The following CMIP variants were observed in gnomAD, a reference collection of about 807,000 sequenced individuals.
The protein encoded by CMIP is c-Maf inducing protein.
CMIP carries 13 observed loss-of-function variants against 97.3 expected under a neutral mutation model. The observed-to-expected ratio is 0.13, with a 90% confidence interval of 0.09 to 0.21. The LOEUF is 0.21. Ranked by LOEUF, CMIP falls within the 10% of genes least tolerant of loss-of-function variation. CMIP has a pLI of 1.00. For missense variants in CMIP, 847 were observed against 1,024.9 expected (o/e 0.83, Z 2.37); for synonymous variants, 538 against 436.3 (o/e 1.23, Z -2.91).
intron 1 of CMIP, among the ~76,000 whole-genome samples, chr16:81,472,737 T>A (rs1907634288): frequency 6.6e-6 from 1 of 152,156 alleles, no homozygotes; most frequent in Non-Finnish European, 1.5e-5. Flanking sequence ...CAGGAGCTGA[T>A]CCTGTGCAGA....
At chr16:81,601,885 C>T (rs2091664206) in intron 1 of CMIP, among the ~76,000 whole-genome samples, 1 of 152,196 alleles carries the variant, frequency 6.6e-6, no homozygotes, top group African/African-American at 2.4e-5. Context: ...CCCTGTCAAG[C>T]TGGTGGCCCA....
intron 9 of CMIP, among the ~76,000 whole-genome samples, chr16:81,675,496 G>A (rs757524471): frequency 5.3e-5 from 8 of 152,022 alleles, no homozygotes; most frequent in South Asian, 2.1e-4. Flanking sequence ...TGGGATTACA[G>A]GGGTGAGCCA....
intron 1 of CMIP, among the ~76,000 whole-genome samples, chr16:81,496,266 T>C (rs2089489129): frequency 6.6e-6 from 1 of 152,216 alleles, no homozygotes; most frequent in South Asian, 2.1e-4. Context: ...TTAAAATAAA[T>C]ATTAAATCAA....
intron 1 of CMIP, among the ~76,000 whole-genome samples, chr16:81,532,517 C>T (rs945490854): frequency 5.7e-4 from 87 of 151,642 alleles, no homozygotes; most frequent in African/African-American, 2.0e-3. Context: ...CCTGAGCCTC[C>T]CCAGGGACTA....
intron 3 of CMIP, among the ~76,000 whole-genome samples, chr16:81,633,877 G>T (rs1483178769): frequency 6.6e-6 from 1 of 152,220 alleles, no homozygotes. Flanking sequence ...CCGGCTGGAG[G>T]CAGGAACAGA....
At chr16:81,705,311 C>T (rs138072818) in intron 18 of CMIP, among the ~76,000 whole-genome samples, 188 bp from the exon 19 acceptor site, 1 of 152,248 alleles carries the variant, frequency 6.6e-6, no homozygotes, top group South Asian at 2.1e-4. Context: ...AAGCTGGATT[C>T]TAACCCGGTT....
chr16:81,694,562 C>G (rs62043844), intron 13 of CMIP, among the ~76,000 whole-genome samples: 2,305 of 152,304 alleles, frequency 0.015, 33 homozygotes, highest in Non-Finnish European at 0.024. Flanking sequence ...ACTCAGAACC[C>G]ACAGTTTATC....
At chr16:81,586,685 A>G (rs2091388584) in intron 1 of CMIP, among the ~76,000 whole-genome samples, 1 of 152,130 alleles carries the variant, frequency 6.6e-6, no homozygotes, top group South Asian at 2.1e-4. Flanking sequence ...CAAACATCGC[A>G]TACTCTCTGA....
At chr16:81,495,307 G>T in intron 1 of CMIP, 1 of 1,442,510 alleles carries the variant, frequency 6.9e-7, no homozygotes, top group Non-Finnish European at 9.1e-7. Context: ...CGGGGCCCTG[G>T]GCAGGCTGGT....
At chr16:81,598,968 CAAAAA>C (rs141717317) in intron 1 of CMIP, among the ~76,000 whole-genome samples, 3 of 49,874 alleles carry the variant, frequency 6.0e-5, no homozygotes, top group East Asian at 6.1e-4. Context: ...GACTCTGTCT[CAAAAA>C]AAAAAAAAAA....
At chr16:81,516,532 G>A (rs191967935) in intron 1 of CMIP, among the ~76,000 whole-genome samples, 10 of 152,138 alleles carry the variant, frequency 6.6e-5, no homozygotes, top group Non-Finnish European at 8.8e-5. Context: ...CTTGCTCTTG[G>A]CCAGCCAGCT....
chr16:81,446,667 A>G (rs1184282562), intron 1 of CMIP, among the ~76,000 whole-genome samples: 3 of 152,170 alleles, frequency 2.0e-5, no homozygotes, highest in Admixed American at 6.5e-5. Flanking sequence ...ACCTGTGCCA[A>G]GAAAACCCAG....
intron 1 of CMIP, among the ~76,000 whole-genome samples, chr16:81,448,203 A>T (rs1038504834): frequency 6.6e-6 from 1 of 152,198 alleles, no homozygotes; most frequent in Admixed American, 6.5e-5. Flanking sequence ...ATTTTAAGCC[A>T]TCTACACAGC....
chr16:81,615,907 T>G (rs1288385484), intron 2 of CMIP, among the ~76,000 whole-genome samples: 1 of 152,134 alleles, frequency 6.6e-6, no homozygotes, highest in Non-Finnish European at 1.5e-5. Context: ...ATTGTTACCG[T>G]GGACAAACAT....
intron 2 of CMIP, chr16:81,619,305 C>G (rs1252210641): frequency 6.6e-6 from 1 of 152,276 alleles, no homozygotes; most frequent in Non-Finnish European, 1.5e-5. Context: ...CCTCACCACA[C>G]TTGCTACTGG....
At chr16:81,685,615 G>A (rs1905294772) in intron 10 of CMIP, among the ~76,000 whole-genome samples, 1 of 151,922 alleles carries the variant, frequency 6.6e-6, no homozygotes, top group South Asian at 2.1e-4. Context: ...CGCAGTTACA[G>A]GTCACTGCAG....
rs562748532 is a variant in CMIP, at chr16:81,673,518, AAAT to A, written c.1034+1451_1034+1453del. 0.023 allele frequency among the ~76,000 whole-genome samples: 1,150 copies of A among 50,694 alleles called. 25 individuals carry two copies. The East Asian group carries it at 0.39, about 17-fold the overall frequency. The allele number at this position is 50,694 out of a possible 152,430, so 33.3% of individuals were successfully genotyped here. ...GCAACAGAGTGAGACTCCTTCTCAA[AAAT>A]AAATAAATAAATAAATAAGAAAGCA... On this transcript the variant is annotated intron_variant, in intron 9 of 20. Transcript: ENST00000537098.
intron 1 of CMIP, among the ~76,000 whole-genome samples, chr16:81,544,026 T>C (rs1003450637): frequency 9.9e-5 from 15 of 152,224 alleles, no homozygotes; most frequent in Non-Finnish European, 1.9e-4. Flanking sequence ...GAAATCTCCA[T>C]TGTGAGCCTC....
chr16:81,457,625 G>C (rs79416857), intron 1 of CMIP, among the ~76,000 whole-genome samples: 2,284 of 152,314 alleles, frequency 0.015, 51 homozygotes, highest in African/African-American at 0.051. Context: ...CATTACCCCT[G>C]GTTGAGAACT....
Sources: gnomAD v4.1 joint callset for allele counts (sites outside exome capture counted in the v4.1 genomes callset) on GRCh38, gnomAD v4.1.1 for gene constraint, MANE v1.5 for transcripts, NCBI Gene and HGNC (gene_info 2026-07-23, HGNC 2026-07-21) for gene names.